Variants in DNM3 observed in about 807,000 individuals in gnomAD.
DNM3 encodes the protein dynamin 3.
A neutral mutation model predicts 101.6 loss-of-function variants in DNM3; 47 were observed. That is an observed-to-expected ratio of 0.46 (90% confidence interval 0.37 to 0.59). The LOEUF (loss-of-function observed/expected upper bound fraction) is 0.59, where lower values mean the gene tolerates loss of function less well. DNM3 is among the 20% of genes least tolerant of loss of function. The pLI is 0.00. For synonymous variants in DNM3, 385 were observed against 387.9 expected (o/e 0.99, Z 0.09); for missense variants, 849 against 1,085.7 (o/e 0.78, Z 3.06).
At chr1:172,265,608 T>C (rs2062828892) in intron 15 of DNM3, among the ~76,000 whole-genome samples, 2 of 152,236 alleles carry the variant, frequency 1.3e-5, no homozygotes, top group Non-Finnish European at 2.9e-5. Context: ...TAAAGTTCAC[T>C]GTGGCATGGT....
At chr1:172,057,696 A>G (rs1326672008) in intron 10 of DNM3, among the ~76,000 whole-genome samples, 17 of 151,796 alleles carry the variant, frequency 1.1e-4, no homozygotes, top group Admixed American at 4.6e-4. Flanking sequence ...TGAAGGAAGC[A>G]CTAAACATGG....
rs1028627176 is a variant in DNM3 at position 172,387,430 on chromosome 1, G to C, written c.2285+71G>C. ...CCCAGCACTTTGAGAGGCCGAGGCGGGCGGATCACGAGGTCAGGAGATCGA... is the reference window on the plus strand; with the variant it reads ...CCCAGCACTTTGAGAGGCCGAGGCGCGCGGATCACGAGGTCAGGAGATCGA... On this transcript the variant is annotated intron_variant, in intron 19 of 20. Transcript: ENST00000627582. The C allele has an allele frequency of 2.0e-5, 26 of 1,299,296 alleles. No homozygotes were observed. In the Admixed American group the frequency reaches 4.0e-4, roughly 20 times the overall value. The allele number at this position is 1,299,296 out of a possible 1,614,324, so 80.5% of individuals were successfully genotyped here.
chr1:172,242,128 C>T (rs986714599), intron 14 of DNM3, among the ~76,000 whole-genome samples: 25 of 152,250 alleles, frequency 1.6e-4, no homozygotes, highest in African/African-American at 5.5e-4. Context: ...GTGTACAGGG[C>T]ATTTCCCCTG....
At chr1:171,966,262 G>C (rs956633660) in intron 2 of DNM3, among the ~76,000 whole-genome samples, 1 of 152,178 alleles carries the variant, frequency 6.6e-6, no homozygotes, top group Non-Finnish European at 1.5e-5. Context: ...CCACAGGCTT[G>C]AGCTTTCTCT....
chr1:172,192,294 C>T (rs1572894030), intron 14 of DNM3, among the ~76,000 whole-genome samples: 1 of 151,228 alleles, frequency 6.6e-6, no homozygotes, highest in African/African-American at 2.4e-5. Flanking sequence ...TGATGGATTA[C>T]ATTTATTGAT....
At chr1:172,029,302 C>T (rs2048431816) in intron 4 of DNM3, among the ~76,000 whole-genome samples, 1 of 150,938 alleles carries the variant, frequency 6.6e-6, no homozygotes. Context: ...GAACCAACGA[C>T]AAAAACCACA....
chr1:172,195,250 C>T (rs552399), intron 14 of DNM3, among the ~76,000 whole-genome samples: 75,893 of 151,722 alleles, frequency 0.5, 21,015 homozygotes, highest in African/African-American at 0.75. Flanking sequence ...TATAGGAAGG[C>T]GATTGACTTT....
intron 1 of DNM3, among the ~76,000 whole-genome samples, chr1:171,857,012 G>C (rs1432253005): frequency 1.3e-5 from 2 of 152,162 alleles, no homozygotes; most frequent in Non-Finnish European, 1.5e-5. Context: ...TGTGTTTAGG[G>C]AACAGAGAAT....
intron 1 of DNM3, among the ~76,000 whole-genome samples, chr1:171,902,535 T>C (rs1359637857): frequency 6.6e-6 from 1 of 152,230 alleles, no homozygotes. Flanking sequence ...TGTTTGTTGT[T>C]GACTCTACAG....
intron 14 of DNM3, chr1:172,142,050 T>C (rs2057610869): frequency 6.6e-6 from 1 of 152,198 alleles, no homozygotes; most frequent in African/African-American, 2.4e-5. Context: ...AAAATAATTA[T>C]GAAATTTCTA....
intron 2 of DNM3, among the ~76,000 whole-genome samples, chr1:171,950,593 C>T: frequency 6.6e-6 from 1 of 152,060 alleles, no homozygotes; most frequent in South Asian, 2.1e-4. Context: ...AAGTCAGGGG[C>T]ATCTGTATTT....
At chr1:171,899,112 A>G (rs372175752) in intron 1 of DNM3, among the ~76,000 whole-genome samples, 23 of 152,310 alleles carry the variant, frequency 1.5e-4, no homozygotes, top group Middle Eastern at 3.4e-3. Flanking sequence ...CCCAGCTGCA[A>G]GAGCAGTGGC....
chr1:172,403,905 C>G (rs1482371159), intron 20 of DNM3, among the ~76,000 whole-genome samples: 2 of 152,122 alleles, frequency 1.3e-5, no homozygotes, highest in African/African-American at 4.8e-5. Flanking sequence ...CCTTTGGAAA[C>G]TCTTTGAATG....
chr1:172,256,900 A>G (rs1276168843), intron 15 of DNM3, among the ~76,000 whole-genome samples: 1 of 88,660 alleles, frequency 1.1e-5, no homozygotes, highest in South Asian at 4.4e-4. Context: ...CCTATTCTTC[A>G]TCATGTTTTT....
intron 8 of DNM3, among the ~76,000 whole-genome samples, chr1:172,043,597 G>A (rs1174802464): frequency 6.6e-6 from 1 of 152,158 alleles, no homozygotes; most frequent in Non-Finnish European, 1.5e-5. Context: ...AGGATGAGCA[G>A]CTAGTTAAGC....
At chr1:172,194,865 A>C (rs918226774) in intron 14 of DNM3, among the ~76,000 whole-genome samples, 1 of 152,022 alleles carries the variant, frequency 6.6e-6, no homozygotes, top group African/African-American at 2.4e-5. Flanking sequence ...ATTTACATTT[A>C]AGGTTAATAT....
At chr1:172,337,756 A>G (rs2066491730) in intron 17 of DNM3, among the ~76,000 whole-genome samples, 1 of 152,088 alleles carries the variant, frequency 6.6e-6, no homozygotes, top group Admixed American at 6.6e-5. Flanking sequence ...GACATAGCCA[A>G]GTTGCTAATT....
At chr1:172,110,368 G>A (rs1419386056) in intron 13 of DNM3, among the ~76,000 whole-genome samples, 2 of 152,104 alleles carry the variant, frequency 1.3e-5, no homozygotes, top group Non-Finnish European at 1.5e-5. Flanking sequence ...ATATCTACTT[G>A]TTTAATGTCC....
chr1:171,959,126 C>T (rs2043046591), intron 2 of DNM3, among the ~76,000 whole-genome samples: 1 of 152,004 alleles, frequency 6.6e-6, no homozygotes, highest in South Asian at 2.1e-4. Flanking sequence ...AATTAAAAAT[C>T]ATGGTTAATT....
Sources: gnomAD v4.1 joint callset for allele counts (sites outside exome capture counted in the v4.1 genomes callset) on GRCh38, gnomAD v4.1.1 for gene constraint, MANE v1.5 for transcripts, NCBI Gene and HGNC (gene_info 2026-07-23, HGNC 2026-07-21) for gene names.